ELMO1: variants seen among roughly 807,000 people sequenced by gnomAD.
ELMO1 encodes the protein engulfment and cell motility protein 1.
In ELMO1, 26 loss-of-function variants were observed where a neutral mutation model predicts 98.9. That is an observed-to-expected ratio of 0.26 (90% CI 0.19 to 0.36). The LOEUF (loss-of-function observed/expected upper bound fraction) is 0.36, where lower values mean the gene tolerates loss of function less well. ELMO1 is among the 10% of genes least tolerant of loss of function. The pLI is 1.00. For missense variants in ELMO1, 627 were observed against 935.2 expected, an observed-to-expected ratio of 0.67 and a Z score of 4.30; for synonymous variants, 346 against 346.0, an observed-to-expected ratio of 1.00 and a Z score of 0.00.
chr7:37,206,492 A>C lies in ELMO1; in HGVS notation c.1086+4894T>G, dbSNP rs1197057075. 3.9e-5 allele frequency among the ~76,000 whole-genome samples: 6 copies of C among 152,246 alleles called. No homozygotes were observed. In the East Asian group the frequency reaches 1.2e-3, roughly 29 times the overall value. Reference sequence around the variant, plus strand: ...ATTAGGATGGGGACAGAGATAGAGAAGGAAAAATATAAATATGCAGTTCAT... The same window carrying C: ...ATTAGGATGGGGACAGAGATAGAGACGGAAAAATATAAATATGCAGTTCAT... On this transcript the variant is annotated intron_variant, in intron 13 of 21. Coordinates refer to ENST00000310758, the MANE Select transcript of ELMO1 (RefSeq NM_014800.11).
intron 13 of ELMO1, among the ~76,000 whole-genome samples, chr7:37,170,017 T>C (rs1790042454): frequency 6.6e-6 from 1 of 152,182 alleles, no homozygotes; most frequent in South Asian, 2.1e-4. Flanking sequence ...TTCTCCCGCC[T>C]CAGCCTCCCG....
chr7:37,415,540 A>G (rs1804178321), intron 1 of ELMO1, among the ~76,000 whole-genome samples: 1 of 152,218 alleles, frequency 6.6e-6, no homozygotes, highest in Non-Finnish European at 1.5e-5. Flanking sequence ...GATAGACAGT[A>G]TGTAAAGTCT....
rs766085000 is a variant in ELMO1 at position 36,878,056 on chromosome 7, T to C, written c.1776A>G (p.Glu592=). The C allele has an allele frequency of 3.1e-6, 5 of 1,614,124 alleles. No individual in the cohort carries two copies. In the East Asian group the frequency reaches 1.1e-4, roughly 36 times the overall value. The change falls in exon 19 of 22, where the codon GAA becomes GAG. Residue 592 remains glutamate, a synonymous_variant. Coordinates refer to ENST00000310758, the MANE Select transcript of ELMO1 (RefSeq NM_014800.11). ...NHKVLHYGDL[E]ESPQGEVPHD... ...GGGGCACTTCTCCCTGAGGACTCTC[T>C]TCTAAGTCTCCGTAATGCAGGACTT...
intron 16 of ELMO1, among the ~76,000 whole-genome samples, chr7:36,920,989 A>G (rs1324003727): frequency 1.3e-5 from 2 of 152,184 alleles, no homozygotes; most frequent in African/African-American, 4.8e-5. Context: ...TAGGTCATGA[A>G]GATTCTGCTG....
At chr7:37,085,602 C>G (rs1171168917) in intron 15 of ELMO1, among the ~76,000 whole-genome samples, 1 of 152,012 alleles carries the variant, frequency 6.6e-6, no homozygotes, top group Admixed American at 6.5e-5. Context: ...CCTGGTACAT[C>G]ACGATCCTAC....
intron 4 of ELMO1, among the ~76,000 whole-genome samples, chr7:37,298,278 GTTTT>G (rs200612374): frequency 3.4e-5 from 2 of 58,656 alleles, no homozygotes; most frequent in African/African-American, 1.2e-4. Flanking sequence ...AGACTAGGAA[GTTTT>G]TTTTGTTTTT....
intron 16 of ELMO1, among the ~76,000 whole-genome samples, chr7:36,968,922 TC>T: frequency 6.6e-6 from 1 of 152,232 alleles, no homozygotes; most frequent in South Asian, 2.1e-4. Context: ...TTTGGCTATA[TC>T]CCATAAGTTT....
At chr7:37,392,680 A>C (rs1180911799) in intron 1 of ELMO1, among the ~76,000 whole-genome samples, 1 of 152,160 alleles carries the variant, frequency 6.6e-6, no homozygotes, top group Non-Finnish European at 1.5e-5. Context: ...TTCTGATCAC[A>C]CTGGCTAGCT....
chr7:37,115,512 T>C (rs1785530781), intron 14 of ELMO1, among the ~76,000 whole-genome samples: 1 of 152,154 alleles, frequency 6.6e-6, no homozygotes, highest in Non-Finnish European at 1.5e-5. Flanking sequence ...ATGGTATCAA[T>C]AGATACAGAA....
At chr7:37,292,711 G>C (rs1350873282) in intron 4 of ELMO1, among the ~76,000 whole-genome samples, 29 of 24,800 alleles carry the variant, frequency 1.2e-3, no homozygotes, top group South Asian at 1.9e-3. Context: ...TCTCCGCCCG[G>C]CAGCCGCCCC....
At chr7:37,140,940 A>C (rs1051026338) in intron 13 of ELMO1, among the ~76,000 whole-genome samples, 14 of 152,350 alleles carry the variant, frequency 9.2e-5, no homozygotes, top group African/African-American at 3.1e-4. Flanking sequence ...GGTGGAAGGT[A>C]AACTAGTACA....
chr7:37,245,374 C>T (rs558810015), intron 6 of ELMO1, among the ~76,000 whole-genome samples: 3 of 152,242 alleles, frequency 2.0e-5, no homozygotes, highest in Non-Finnish European at 1.5e-5. Flanking sequence ...ACTGAATACA[C>T]GGTTGACAAA....
chr7:37,159,151 C>T (rs1320424265), intron 13 of ELMO1, among the ~76,000 whole-genome samples: 2 of 152,046 alleles, frequency 1.3e-5, no homozygotes, highest in South Asian at 2.1e-4. Context: ...CTGGGGCTGT[C>T]GTGGGTAGGG....
chr7:37,064,712 G>C (rs1379826941), intron 15 of ELMO1, among the ~76,000 whole-genome samples: 2 of 152,056 alleles, frequency 1.3e-5, no homozygotes, highest in Non-Finnish European at 2.9e-5. Context: ...GCTTTTAAAA[G>C]CCAATCTCCC....
At chr7:37,113,993 T>C (rs143190661) in intron 14 of ELMO1, among the ~76,000 whole-genome samples, 130 of 152,296 alleles carry the variant, frequency 8.5e-4, no homozygotes, top group African/African-American at 3.0e-3. Flanking sequence ...TATTTTGTTA[T>C]GGCAGCCCTA....
At chr7:37,406,731 C>T (rs1293564980) in intron 1 of ELMO1, among the ~76,000 whole-genome samples, 2 of 152,122 alleles carry the variant, frequency 1.3e-5, no homozygotes, top group Non-Finnish European at 2.9e-5. Flanking sequence ...CGGGAGCCAT[C>T]GCACCAGGCC....
chr7:36,882,354 G>A (rs1159629284), intron 18 of ELMO1, among the ~76,000 whole-genome samples: 1 of 152,190 alleles, frequency 6.6e-6, no homozygotes. Context: ...AAACAAGAGG[G>A]ACCCAGCAAT....
chr7:37,093,867 T>C (rs1485949170), intron 15 of ELMO1, among the ~76,000 whole-genome samples: 1 of 152,176 alleles, frequency 6.6e-6, no homozygotes, highest in African/African-American at 2.4e-5. Flanking sequence ...TGGCAAGCAA[T>C]AAGTCAAACT....
chr7:37,216,065 T>C (rs1158396239), intron 11 of ELMO1, among the ~76,000 whole-genome samples: 1 of 151,144 alleles, frequency 6.6e-6, no homozygotes, highest in Non-Finnish European at 1.5e-5. Context: ...GTAAGTCAAA[T>C]AGCGGGTAAG....
Sources: gnomAD v4.1 joint callset for allele counts (sites outside exome capture counted in the v4.1 genomes callset) on GRCh38, gnomAD v4.1.1 for gene constraint, MANE v1.5 for transcripts, NCBI Gene and HGNC (gene_info 2026-07-23, HGNC 2026-07-21) for gene names.